TSKU: variants seen among roughly 807,000 people sequenced by gnomAD.
TSKU encodes the protein tsukushi.
A neutral mutation model predicts 11.2 loss-of-function variants in TSKU; 4 were observed. That is an observed-to-expected ratio of 0.36 (90% CI 0.18 to 0.82). TSKU has a LOEUF of 0.82. Ranked by LOEUF, TSKU falls within the 40% of genes least tolerant of loss-of-function variation. The pLI is 0.50. For missense variants in TSKU, 407 were observed against 482.5 expected (o/e 0.84, Z 1.47); for synonymous variants, 220 against 232.2 (o/e 0.95, Z 0.48).
At chr11:76,784,948 G>A (rs370551818) in intron 1 of TSKU, among the ~76,000 whole-genome samples, 1 of 152,330 alleles carries the variant, frequency 6.6e-6, no homozygotes. Flanking sequence ...TTCCCTCTCC[G>A]GCCTCAGTTT....
intron 1 of TSKU, chr11:76,784,071 G>A (rs375288868): frequency 1.4e-4 from 21 of 152,538 alleles, no homozygotes; most frequent in African/African-American, 5.1e-4. Context: ...GGCTGCGACG[G>A]GATTGGTGGT....
intron 1 of TSKU, among the ~76,000 whole-genome samples, chr11:76,790,803 T>C (rs150947769): frequency 1.0e-3 from 159 of 152,226 alleles, no homozygotes; most frequent in African/African-American, 3.5e-3. Flanking sequence ...ATACAGTAAA[T>C]TGGTACCAGT....
upstream of TSKU, chr11:76,783,267 CG>C: frequency 6.7e-6 from 1 of 150,246 alleles, no homozygotes; most frequent in Non-Finnish European, 1.5e-5. Context: ...CGCCACCCGG[CG>C]CCCGGCAGGG....
Position 76,796,895 on chromosome 11 carries a change from T to G in TSKU, c.*217T>G. On this transcript the variant is annotated 3_prime_UTR_variant, in exon 2 of 2. Coordinates refer to ENST00000333090, the MANE Select transcript of TSKU (RefSeq NM_015516.4). The surrounding 1 kb of genome is among the most constrained non-coding windows in gnomAD (Gnocchi z 4.1). Reference sequence around the variant, plus strand: ...TTGTCTACGTTGCTTCCCCAAACCATGAGCAGAGGGACTTCGATGCCAAAC... The same window carrying G: ...TTGTCTACGTTGCTTCCCCAAACCAGGAGCAGAGGGACTTCGATGCCAAAC... 2.4e-6 allele frequency: 1 copy of G among 410,604 alleles called. No individual in the cohort carries two copies. The highest frequency in any genetic ancestry group is 4.2e-5 in the Admixed American group (1 of 24,050). 25.4% of individuals were successfully genotyped at this position (410,604 alleles called of 1,614,324 possible). A position where few individuals can be genotyped will look rare whatever the true frequency, so the allele number is the denominator to read the frequency against.
intron 1 of TSKU, 24 bp from the exon 2 acceptor site, chr11:76,795,585 C>A: frequency 6.3e-7 from 1 of 1,596,384 alleles, no homozygotes; most frequent in South Asian, 1.1e-5. Context: ...TGCATTCATT[C>A]CTCACCTGTG....
At chr11:76,793,032 C>A (rs527499016) in intron 1 of TSKU, among the ~76,000 whole-genome samples, 4 of 152,250 alleles carry the variant, frequency 2.6e-5, no homozygotes, top group Admixed American at 6.5e-5. Context: ...GAGGACTGGC[C>A]CTGACTGTCA....
intron 1 of TSKU, among the ~76,000 whole-genome samples, chr11:76,789,800 G>A (rs1243010107): frequency 6.6e-6 from 1 of 152,146 alleles, no homozygotes; most frequent in Non-Finnish European, 1.5e-5. Flanking sequence ...TGGGGGTAGA[G>A]TACGGGTCCC....
intron 1 of TSKU, among the ~76,000 whole-genome samples, chr11:76,787,870 G>A (rs2134389202): frequency 6.6e-6 from 1 of 152,290 alleles, no homozygotes; most frequent in South Asian, 2.1e-4. Flanking sequence ...CTCCTTCCCA[G>A]CTGAGTAACA....
Position 76,796,618 on chromosome 11 carries a change from G to A in TSKU, c.1002G>A (p.Lys334=), listed in dbSNP as rs369746144. 16 of 1,488,864 alleles carry A rather than the reference G, an allele frequency of 1.1e-5. No homozygotes were observed. In the African/African-American group the frequency reaches 1.8e-4, roughly 17 times the overall value. The allele number at this position is 1,488,864 out of a possible 1,614,324, so 92.2% of individuals were successfully genotyped here. ...TYPRRPGSSP[K]VALHCVDTRD... is the part of the protein sequence containing the mutation. ...CCCGGAGGCCTGGCTCCAGCCCCAA[G>A]GTGGCCCTGCACTGCGTAGACACCC... Residue 334 remains lysine (K), a synonymous_variant, in exon 2 of 2, where the codon AAG becomes AAA. Coordinates refer to ENST00000333090, the MANE Select transcript of TSKU (RefSeq NM_015516.4). The surrounding 1 kb of genome is among the most constrained non-coding windows in gnomAD (Gnocchi z 4.1).
rs570965762 is a variant in TSKU, at chr11:76,795,605, C to A, written c.-8-4C>A. ...TCATTCCTCACCTGTGGCTCTCTTT[C>A]TAGCCCCCACCATGCCGTGGCCCCT... On this transcript the variant is annotated splice_region_variant and splice_polypyrimidine_tract_variant and intron_variant, in intron 1 of 1. Coordinates refer to ENST00000333090, the MANE Select transcript of TSKU (RefSeq NM_015516.4). 1.2e-6 allele frequency: 2 copies of A among 1,606,138 alleles called. No individual in the cohort carries two copies. Among genetic ancestry groups the A allele is most frequent in the South Asian group, 2.2e-5 (2 of 90,884 alleles).
chr11:76,787,274 G>A (rs1207677619), intron 1 of TSKU, among the ~76,000 whole-genome samples: 2 of 152,152 alleles, frequency 1.3e-5, no homozygotes, highest in East Asian at 1.9e-4. Flanking sequence ...TCAGGTTGAT[G>A]GGAACTTGAA....
chr11:76,796,426 A>G lies in TSKU; in HGVS notation c.810A>G (p.Ala270=), dbSNP rs756531380. 6.2e-7 allele frequency: 1 copy of G among 1,613,530 alleles called. No homozygotes were observed. Among genetic ancestry groups the G allele is most frequent in the Non-Finnish European group, 8.5e-7 (1 of 1,179,950 alleles). ...CGGGCAACCCCAAGCTTAACTGGGC[A>G]GGAGCTGAGGTGTTTTCAGGCCTGA... ...DLSGNPKLNW[A]GAEVFSGLSS... The change falls in exon 2 of 2, where the codon GCA becomes GCG. Residue 270 remains alanine, a synonymous_variant. Coordinates refer to ENST00000333090, the MANE Select transcript of TSKU (RefSeq NM_015516.4). This position sits in a 1 kb window ranked among gnomAD's most constrained non-coding sequence, Gnocchi z 4.1.
chr11:76,785,903 G>A (rs575351922), intron 1 of TSKU, among the ~76,000 whole-genome samples: 3 of 152,306 alleles, frequency 2.0e-5, no homozygotes, highest in Admixed American at 6.5e-5. Flanking sequence ...CCTGGGACAA[G>A]TAACTTATTT....
chr11:76,793,611 AGGTGGGGCCTTT>A (rs1944402395), intron 1 of TSKU, among the ~76,000 whole-genome samples: 1 of 152,068 alleles, frequency 6.6e-6, no homozygotes, highest in South Asian at 2.1e-4. Flanking sequence ...TTAGCAGGGG[AGGTGGGGCCTTT>A]GGTGGTAATG....
intron 1 of TSKU, among the ~76,000 whole-genome samples, chr11:76,795,092 G>A (rs186255037): frequency 1.2e-3 from 184 of 152,338 alleles, no homozygotes; most frequent in African/African-American, 3.9e-3. Context: ...TGCCTGACGT[G>A]TAACACTTGC....
chr11:76,796,623 C>T lies in TSKU; in HGVS notation c.1007C>T (p.Ala336Val). Residue 336 changes from alanine to valine, a missense_variant, in exon 2 of 2, where the codon GCC becomes GTC. Transcript: ENST00000333090. This position sits in a 1 kb window ranked among gnomAD's most constrained non-coding sequence, Gnocchi z 4.1. Reference protein sequence around the residue: ...PRRPGSSPKVALHCVDTRDSA... With the variant: ...PRRPGSSPKVVLHCVDTRDSA... ...AGGCCTGGCTCCAGCCCCAAGGTGG[C>T]CCTGCACTGCGTAGACACCCGGGAT... is the stretch of plus-strand genomic sequence containing the variant. The T allele has an allele frequency of 6.8e-7, 1 of 1,475,174 alleles. No homozygotes were observed. Among genetic ancestry groups the T allele is most frequent in the African/African-American group, 1.4e-5 (1 of 70,526 alleles). 91.4% of individuals were successfully genotyped at this position (1,475,174 alleles called of 1,614,324 possible). A position where few individuals can be genotyped will look rare whatever the true frequency, so the allele number is the denominator to read the frequency against.
intron 1 of TSKU, among the ~76,000 whole-genome samples, chr11:76,793,250 C>G (rs1944398034): frequency 6.6e-6 from 1 of 152,264 alleles, no homozygotes; most frequent in Non-Finnish European, 1.5e-5. Context: ...TGCCTCAGTT[C>G]TGTATCTTCT....
At chr11:76,792,174 G>A (rs1944379940) in intron 1 of TSKU, 1 of 152,242 alleles carries the variant, frequency 6.6e-6, no homozygotes, top group Non-Finnish European at 1.5e-5. Flanking sequence ...AGATCATTTT[G>A]GAACTTTAAT....
chr11:76,793,606 A>G (rs1935408292), intron 1 of TSKU, among the ~76,000 whole-genome samples: 1 of 152,186 alleles, frequency 6.6e-6, no homozygotes, highest in African/African-American at 2.4e-5. Context: ...TCAGCTTAGC[A>G]GGGGAGGTGG....
Sources: allele counts gnomAD v4.1 joint callset (sites outside exome capture counted in the v4.1 genomes callset), GRCh38; gene constraint gnomAD v4.1.1; non-coding constraint Gnocchi (gnomAD v3.1); transcripts MANE v1.5; gene names NCBI Gene and HGNC (gene_info 2026-07-23, HGNC 2026-07-21).